Variants in MED12 observed in about 807,000 individuals in gnomAD.
The protein encoded by MED12 is mediator of RNA polymerase II transcription subunit 12.
In MED12, 10 loss-of-function variants were observed where a neutral mutation model predicts 177.7. That is an observed-to-expected ratio of 0.06 (90% CI 0.03 to 0.10). MED12 has a LOEUF of 0.10. MED12 is among the 10% of genes least tolerant of loss of function. The probability of loss-of-function intolerance (pLI) is 1.00; values close to 1 mark genes in which losing one functional copy is unlikely to be tolerated. For missense variants in MED12, 867 were observed against 1,780.8 expected, an observed-to-expected ratio of 0.49 and a Z score of 9.23; for synonymous variants, 641 against 678.4, an observed-to-expected ratio of 0.94 and a Z score of 0.86.
At chrX:71,134,655 G>A (rs888455909) in intron 34 of MED12, 58 bp from the exon 35 acceptor site, 19 of 1,191,224 alleles carry the variant, frequency 1.6e-5, no homozygotes, top group Non-Finnish European at 2.0e-5. Context: ...CTCTGCTGAG[G>A]CCTTTTTCTA....
intron 26 of MED12, 44 bp downstream of exon 26, chrX:71,129,473 T>G (rs1467962365): frequency 4.9e-6 from 5 of 1,024,055 alleles, no homozygotes; most frequent in African/African-American, 3.7e-5. Flanking sequence ...GTGTATAGGG[T>G]GGAGTGCCAG....
Position 71,137,707 on chromosome X carries a change from C to T in MED12, c.5827-19C>T. ...TGCATACTCTCGGCCCTGATTCCCT[C>T]TCTCCTTCTTCCCTCCAGGGCTATA... is the stretch of plus-strand genomic sequence containing the variant. On this transcript the variant is annotated intron_variant, in intron 40 of 44. Transcript: ENST00000374080. 1.7e-6 allele frequency: 2 copies of T among 1,208,387 alleles called. No individual in the cohort carries two copies. The highest frequency in any genetic ancestry group is 3.5e-5 in the African/African-American group (2 of 57,565).
rs145614358 is a variant in MED12 at position 71,128,525 on chromosome X, C to T, written c.3355-73C>T. On this transcript the variant is annotated intron_variant, in intron 23 of 44. Coordinates refer to ENST00000374080, the MANE Select transcript of MED12 (RefSeq NM_005120.3). The stretch of plus-strand genomic sequence containing the variant: ...GATCCTCTGACCAGGGACAGAGTTC[C>T]GTAGAGTGGAGGCACACCGCTTTGA... 1.9e-4 allele frequency: 231 copies of T among 1,206,908 alleles called. No homozygotes were observed. In the African/African-American group the frequency reaches 3.4e-3, roughly 18 times the overall value.
At chrX:71,140,080 CTTTT>C (rs746271800) in intron 41 of MED12, among the ~76,000 whole-genome samples, 1 of 88,643 alleles carries the variant, frequency 1.1e-5, no homozygotes, top group African/African-American at 4.1e-5. Flanking sequence ...TCTTTTCTTT[CTTTT>C]TTTTTTTTTT....
At chrX:71,129,263 C>T (rs2092310766) in intron 25 of MED12, 48 bp downstream of exon 25, 1 of 1,166,316 alleles carries the variant, frequency 8.6e-7, no homozygotes, top group Admixed American at 2.2e-5. Flanking sequence ...GTGTGGTTCC[C>T]CTGCCTCCGT....
rs1602300284 is a variant in MED12 at position 71,130,024 on chromosome X, A to G, written c.3868-11A>G. ...TGGTTGTTCCCAGTCCCTGATTGTC[A>G]GCTTCCTCAGGAATGGGTAGGAGAA... On this transcript the variant is annotated splice_polypyrimidine_tract_variant and intron_variant, in intron 27 of 44. Coordinates refer to ENST00000374080, the MANE Select transcript of MED12 (RefSeq NM_005120.3). 1 of 1,205,730 alleles carries G rather than the reference A, an allele frequency of 8.3e-7. No individual in the cohort carries two copies. Among genetic ancestry groups the G allele is most frequent in the East Asian group, 3.0e-5 (1 of 33,757 alleles).
intron 28 of MED12, 25 bp downstream of exon 28, chrX:71,130,239 G>A (rs1369370256): frequency 8.4e-7 from 1 of 1,189,803 alleles, no homozygotes; most frequent in Non-Finnish European, 1.1e-6. Context: ...TGGGGGCTGT[G>A]GAGGAAGCAG....
In MED12 at chrX:71,137,639, AGAGCCTGG is replaced by A; in HGVS notation, c.5826+7_5826+14del. Reference sequence around the variant, plus strand: ...CTACGGTTTGCAGACTTCCCAGGTAAGAGCCTGGGATTGTGAGACTAGGGGGATGAGGC... The same window carrying A: ...CTACGGTTTGCAGACTTCCCAGGTAAGATTGTGAGACTAGGGGGATGAGGC... On this transcript the variant is annotated splice_donor_5th_base_variant and intron_variant, in intron 40 of 44. Coordinates refer to ENST00000374080, the MANE Select transcript of MED12 (RefSeq NM_005120.3). The A allele has an allele frequency of 8.3e-7, 1 of 1,205,514 alleles. No individual in the cohort carries two copies. Among genetic ancestry groups the A allele is most frequent in the Non-Finnish European group, 1.1e-6 (1 of 890,457 alleles).
At chrX:71,141,147 T>C in intron 42 of MED12, 83 bp from the exon 43 acceptor site, 1 of 1,163,643 alleles carries the variant, frequency 8.6e-7, no homozygotes, top group Non-Finnish European at 1.1e-6. Context: ...CCCTGCTTCC[T>C]CATCCCCTGC....
Position 71,121,017 on chromosome X carries a change from G to A in MED12, c.600G>A (p.Lys200=), listed in dbSNP as rs2147777362. 8.3e-7 allele frequency: 1 copy of A among 1,211,940 alleles called. No homozygotes were observed. The highest frequency in any genetic ancestry group is 1.1e-6 in the Non-Finnish European group (1 of 895,500). Residue 200 remains lysine (K), a synonymous_variant, in exon 5 of 45, where the codon AAG becomes AAA. Transcript: ENST00000374080. ...ITKYLWEQLQ[K]MAEYYRPGPA... ...AGTACTTATGGGAGCAGTTACAGAA[G>A]ATGGCTGAATACTACCGGCCAGGGC...
chrX:71,124,368 A>G lies in MED12; in HGVS notation c.1954A>G (p.Ser652Gly). 8.4e-7 allele frequency: 1 copy of G among 1,196,174 alleles called. No homozygotes were observed. The highest frequency in any genetic ancestry group is 1.1e-6 in the Non-Finnish European group (1 of 883,951). Residue 652 changes from serine to glycine, a missense_variant, in exon 13 of 45, where the codon AGC becomes GGC. By Grantham distance (56) the Ser-to-Gly change is moderately conservative (BLOSUM62 0). This residue lies in a region of MED12 where 309 missense variants were observed against 556.3 expected (regional missense o/e 0.56). Transcript: ENST00000374080. ...CCCAGAGCACAAGGAGGCTGAAGGC[A>G]GCAGCAGCAGCAAGCTGGAAGTGAG... ...DDPEHKEAEG[S>G]SSSKLEDPGL...
Position 71,137,791 on chromosome X carries a change from G to A in MED12, c.5892G>A (p.Val1964=). 8.3e-7 allele frequency: 1 copy of A among 1,211,058 alleles called. No homozygotes were observed. The highest frequency in any genetic ancestry group is 1.1e-6 in the Non-Finnish European group (1 of 895,321). ...ACACAGGCCCTGCAGGTACCATGGT[G>A]CCCCCCAGCTACTCCAGCCAGCCTT... ...QQHTGPAGTM[V]PPSYSSQPYQ... The change falls in exon 41 of 45, where the codon GTG becomes GTA. Residue 1964 remains valine, a synonymous_variant. Coordinates refer to ENST00000374080, the MANE Select transcript of MED12 (RefSeq NM_005120.3).
chrX:71,126,492 A>C lies in MED12; in HGVS notation c.2685+8A>C. The C allele has an allele frequency of 8.3e-7, 1 of 1,211,756 alleles. No homozygotes were observed. Among genetic ancestry groups the C allele is most frequent in the East Asian group, 3.0e-5 (1 of 33,853 alleles). ...ATCGACTTTGCCATTCAGGTGGGGA[A>C]GTTGGGGAGATGAGGGTGGAGGCAG... On this transcript the variant is annotated splice_region_variant and intron_variant, in intron 19 of 44. Transcript: ENST00000374080.
At chrX:71,131,741 G>C in intron 29 of MED12, 120 bp downstream of exon 29, 4 of 710,806 alleles carry the variant, frequency 5.6e-6, no homozygotes, top group Non-Finnish European at 8.8e-6. Context: ...AGAGATAAGA[G>C]GGGATGGGAA....
At chrX:71,119,045 G>C (rs988635246) in intron 1 of MED12, among the ~76,000 whole-genome samples, 192 bp downstream of exon 1, 1 of 108,050 alleles carries the variant, frequency 9.3e-6, no homozygotes, top group East Asian at 2.9e-4. Context: ...TGAATAGGGG[G>C]TGGTGTAGGG....
intron 1 of MED12, 83 bp from the exon 2 acceptor site, chrX:71,119,290 C>T (rs764950539): frequency 4.5e-6 from 3 of 665,187 alleles, no homozygotes; most frequent in Non-Finnish European, 4.8e-6. Context: ...TCACCTTGTT[C>T]CTTCTTTTCT....
At chrX:71,139,696 C>T (rs774552399) in intron 41 of MED12, among the ~76,000 whole-genome samples, 1 of 110,537 alleles carries the variant, frequency 9.0e-6, no homozygotes, top group East Asian at 2.9e-4. Context: ...ATCAGGAGTT[C>T]GAGACCAGCC....
intron 42 of MED12, 57 bp downstream of exon 42, chrX:71,140,914 A>G: frequency 8.4e-7 from 1 of 1,196,869 alleles, no homozygotes; most frequent in Non-Finnish European, 1.1e-6. Context: ...GAGAGGCACA[A>G]GTTCTTCCCA....
At position 71,118,770 on chromosome X, in the gene MED12, A is replaced by C. The variant is rs1228197576; in HGVS notation, c.16A>C (p.Ile6Leu). 1 of 1,205,253 alleles carries C rather than the reference A, an allele frequency of 8.3e-7. No individual in the cohort carries two copies. Among genetic ancestry groups the C allele is most frequent in the African/African-American group, 1.8e-5 (1 of 56,103 alleles). The change falls in exon 1 of 45, where the codon ATC becomes CTC. Residue 6 changes from isoleucine (I) to leucine (L), a missense_variant. By Grantham distance (5) the Ile-to-Leu change is conservative. Transcript: ENST00000374080. Reference protein sequence around the residue: MAAFGILSYEHRPLKR... With the variant: MAAFGLLSYEHRPLKR... Reference sequence around the variant, plus strand: ...GCTGGGCAAGATGGCGGCCTTCGGGATCTTGAGCTACGAACACCGGCCCCT... The same window carrying C: ...GCTGGGCAAGATGGCGGCCTTCGGGCTCTTGAGCTACGAACACCGGCCCCT...
Sources: allele counts gnomAD v4.1 joint callset (sites outside exome capture counted in the v4.1 genomes callset), GRCh38; gene constraint gnomAD v4.1.1; regional missense constraint gnomAD v4.1.1; transcripts MANE v1.5; gene names NCBI Gene and HGNC (gene_info 2026-07-23, HGNC 2026-07-21).